Variants in CRYBA4 observed in about 807,000 individuals in gnomAD.
The protein encoded by CRYBA4 is crystallin beta A4, also known as beta-crystallin A4.
A neutral mutation model predicts 31.7 loss-of-function variants in CRYBA4; 30 were observed. The observed-to-expected ratio is 0.95, with a 90% CI of 0.71 to 1.28. The LOEUF is 1.28. Ranked by LOEUF, CRYBA4 falls within the 50% of genes most tolerant of loss-of-function variation. The pLI is 0.00. For missense variants in CRYBA4, 225 were observed against 260.7 expected, an observed-to-expected ratio of 0.86 and a Z score of 0.94; for synonymous variants, 102 against 102.3, an observed-to-expected ratio of 1.00 and a Z score of 0.02.
At chr22:26,614,529 C>A in the CRYBA4 span, among the ~76,000 whole-genome samples, 1 of 152,142 alleles carries the variant, frequency 6.6e-6, no homozygotes, top group Non-Finnish European at 1.5e-5. Flanking sequence ...CCACTGAAAT[C>A]GTGCTTAGCA....
chr22:26,608,408 C>G, the CRYBA4 span, among the ~76,000 whole-genome samples: 1 of 146,950 alleles, frequency 6.8e-6, no homozygotes, highest in Non-Finnish European at 1.5e-5. Context: ...TTGACGCCAG[C>G]TAGGAGAAAG....
At chr22:26,617,267 C>T (rs1437061029), upstream of CRYBA4, among the ~76,000 whole-genome samples, 1 of 152,132 alleles carries the variant, frequency 6.6e-6, no homozygotes, top group African/African-American at 2.4e-5. Context: ...TTGATGAATA[C>T]CTCAACTTTG....
upstream of CRYBA4, among the ~76,000 whole-genome samples, chr22:26,620,003 CTTT>C (rs57928877): frequency 2.9e-5 from 4 of 138,384 alleles, no homozygotes; most frequent in Admixed American, 7.2e-5. Flanking sequence ...TTTTTCTTTT[CTTT>C]TTTTTTTTTT....
chr22:26,601,482 T>A, the CRYBA4 span, among the ~76,000 whole-genome samples: 1 of 151,820 alleles, frequency 6.6e-6, no homozygotes, highest in South Asian at 2.1e-4. Flanking sequence ...GCAAATTCAC[T>A]GCTCAGAACT....
chr22:26,625,452 C>G, intron 3 of CRYBA4, 29 bp from the exon 4 acceptor site: 1 of 1,612,746 alleles, frequency 6.2e-7, no homozygotes, highest in South Asian at 1.1e-5. Context: ...GGACGCTTAC[C>G]TCCTGCACAC....
chr22:26,617,439 T>C (rs982011444), upstream of CRYBA4, among the ~76,000 whole-genome samples: 6 of 152,262 alleles, frequency 3.9e-5, no homozygotes, highest in African/African-American at 1.2e-4. Context: ...CCCAGCCTCC[T>C]CCAGGAAGGC....
the CRYBA4 span, among the ~76,000 whole-genome samples, chr22:26,593,648 A>G: frequency 1.3e-5 from 2 of 151,902 alleles, no homozygotes; most frequent in Admixed American, 1.3e-4. Flanking sequence ...GCTTCAGCCT[A>G]TTGAGTATCT....
At chr22:26,625,322 G>A (rs778530198) in intron 3 of CRYBA4, among the ~76,000 whole-genome samples, 159 bp from the exon 4 acceptor site, 1 of 152,054 alleles carries the variant, frequency 6.6e-6, no homozygotes, top group Non-Finnish European at 1.5e-5. Context: ...TCCCCTAGTC[G>A]TGACAACCAA....
the CRYBA4 span, chr22:26,599,144 T>C: frequency 3.2e-6 from 1 of 311,814 alleles, no homozygotes; most frequent in Non-Finnish European, 6.1e-6. Context: ...ATCTCTTACC[T>C]AGTATCCTTG....
chr22:26,614,938 G>T, the CRYBA4 span, among the ~76,000 whole-genome samples: 6 of 152,128 alleles, frequency 3.9e-5, no homozygotes, highest in Admixed American at 3.9e-4. Context: ...ACAGACACAG[G>T]TTGAGGATAG....
intron 4 of CRYBA4, among the ~76,000 whole-genome samples, chr22:26,627,618 C>CCT (rs1225183034): frequency 2.0e-4 from 26 of 127,116 alleles, no homozygotes; most frequent in African/African-American, 7.5e-4. Flanking sequence ...TTCTCTCTCT[C>CCT]TCCTTCCTTC....
At chr22:26,605,031 GT>G in the CRYBA4 span, among the ~76,000 whole-genome samples, 2 of 152,052 alleles carry the variant, frequency 1.3e-5, no homozygotes, top group South Asian at 4.2e-4. Flanking sequence ...GGTCCCACCA[GT>G]CCATCGTTGC....
intron 2 of CRYBA4, 142 bp from the exon 3 acceptor site, chr22:26,623,092 A>G: frequency 1.3e-6 from 1 of 761,754 alleles, no homozygotes; most frequent in South Asian, 1.5e-5. Flanking sequence ...CACATTTATC[A>G]CTGCTCTTGC....
At chr22:26,628,534 C>T in intron 5 of CRYBA4, 104 bp downstream of exon 5, 13 of 1,372,178 alleles carry the variant, frequency 9.5e-6, no homozygotes, top group Non-Finnish European at 1.3e-5. Flanking sequence ...CTCTGATGCC[C>T]ACATTCCAGA....
chr22:26,608,138 C>G, the CRYBA4 span: 3 of 1,443,474 alleles, frequency 2.1e-6, no homozygotes, highest in Non-Finnish European at 1.9e-6. Flanking sequence ...GTAGGAAAGT[C>G]CAAAGGGGGC....
chr22:26,602,998 G>A, the CRYBA4 span, among the ~76,000 whole-genome samples: 1 of 151,860 alleles, frequency 6.6e-6, no homozygotes, highest in Non-Finnish European at 1.5e-5. Context: ...GGTGGTGGGA[G>A]CCTGTAGTCC....
the CRYBA4 span, among the ~76,000 whole-genome samples, chr22:26,605,330 TGTTTGA>T: frequency 6.6e-6 from 1 of 152,282 alleles, no homozygotes; most frequent in Non-Finnish European, 1.5e-5. Flanking sequence ...GGACCTAGTC[TGTTTGA>T]TGCACAGTTT....
At chr22:26,600,647 C>G in the CRYBA4 span, among the ~76,000 whole-genome samples, 1 of 152,204 alleles carries the variant, frequency 6.6e-6, no homozygotes, top group African/African-American at 2.4e-5. Context: ...AAGTGGTTAG[C>G]ACAGTCCTTG....
At chr22:26,607,091 C>T in the CRYBA4 span, among the ~76,000 whole-genome samples, 7 of 141,078 alleles carry the variant, frequency 5.0e-5, no homozygotes, top group Non-Finnish European at 9.0e-5. Flanking sequence ...GGCATGATCT[C>T]GGCTCACTGC....
Sources: gnomAD v4.1 joint callset for allele counts (sites outside exome capture counted in the v4.1 genomes callset) on GRCh38, gnomAD v4.1.1 for gene constraint, MANE v1.5 for transcripts, NCBI Gene and HGNC (gene_info 2026-07-23, HGNC 2026-07-21) for gene names.